Variants in VSTM4 observed in about 807,000 individuals in gnomAD.
The protein encoded by VSTM4 is V-set and transmembrane domain-containing protein 4.
In VSTM4, 20 loss-of-function variants were observed where a neutral mutation model predicts 36.4. The observed-to-expected ratio is 0.55, with a 90% confidence interval of 0.39 to 0.80. The LOEUF is 0.80. VSTM4 is among the 30% of genes least tolerant of loss of function. The pLI, the probability that VSTM4 is intolerant of heterozygous loss-of-function variation, is 0.00. For missense variants in VSTM4, 392 were observed against 404.5 expected, an observed-to-expected ratio of 0.97 and a Z score of 0.26; for synonymous variants, 182 against 173.9, an observed-to-expected ratio of 1.05 and a Z score of -0.37.
At chr10:49,112,573 C>T (rs1247920120) in intron 1 of VSTM4, among the ~76,000 whole-genome samples, 1 of 152,224 alleles carries the variant, frequency 6.6e-6, no homozygotes, top group Admixed American at 6.5e-5. Context: ...TGCCCTGAGA[C>T]TGGGGAGGTG....
chr10:49,113,297 A>C (rs1422184379), intron 1 of VSTM4, among the ~76,000 whole-genome samples: 1 of 152,242 alleles, frequency 6.6e-6, no homozygotes, highest in Non-Finnish European at 1.5e-5. Context: ...TTTACTGAGC[A>C]CTAAGCAGAG....
chr10:49,027,377 G>T (rs563303460), intron 7 of VSTM4, among the ~76,000 whole-genome samples: 2 of 152,334 alleles, frequency 1.3e-5, no homozygotes, highest in East Asian at 3.8e-4. Flanking sequence ...CACAGACTCA[G>T]CCCTAGGATT....
intron 2 of VSTM4, among the ~76,000 whole-genome samples, chr10:49,106,236 A>G (rs967311998): frequency 1.3e-5 from 2 of 152,248 alleles, no homozygotes; most frequent in African/African-American, 4.8e-5. Context: ...TTGTCAAAAC[A>G]ACATCACTAA....
intron 1 of VSTM4, among the ~76,000 whole-genome samples, chr10:49,110,619 G>T (rs771423344): frequency 1.3e-5 from 2 of 151,946 alleles, no homozygotes; most frequent in South Asian, 2.1e-4. Flanking sequence ...GGTCTTTAAA[G>T]GAGTAATTAA....
intron 2 of VSTM4, chr10:49,103,990 T>C: frequency 1.4e-6 from 1 of 724,490 alleles, no homozygotes; most frequent in Non-Finnish European, 2.2e-6. Flanking sequence ...ACAGAACTTC[T>C]CATCCTTGTT....
chr10:49,023,301 A>G (rs1843208986), intron 7 of VSTM4, among the ~76,000 whole-genome samples: 1 of 152,250 alleles, frequency 6.6e-6, no homozygotes, highest in Non-Finnish European at 1.5e-5. Flanking sequence ...TATCACAATC[A>G]GCCATGTGCC....
At chr10:49,041,086 A>G (rs1292476482) in intron 7 of VSTM4, among the ~76,000 whole-genome samples, 1 of 152,246 alleles carries the variant, frequency 6.6e-6, no homozygotes, top group African/African-American at 2.4e-5. Flanking sequence ...TTGAGCTACC[A>G]TCAAGACCTA....
chr10:49,097,650 G>A (rs554887614), intron 2 of VSTM4, among the ~76,000 whole-genome samples: 1 of 152,324 alleles, frequency 6.6e-6, no homozygotes, highest in East Asian at 1.9e-4. Flanking sequence ...CACAGTCTGT[G>A]CAACACAGGG....
chr10:49,113,800 G>A (rs1241701854), intron 1 of VSTM4, among the ~76,000 whole-genome samples: 1 of 152,120 alleles, frequency 6.6e-6, no homozygotes, highest in African/African-American at 2.4e-5. Context: ...ATCGTGGTGA[G>A]GAGTCATGAA....
At chr10:49,060,468 T>C (rs1843858321) in intron 5 of VSTM4, among the ~76,000 whole-genome samples, 1 of 152,224 alleles carries the variant, frequency 6.6e-6, no homozygotes, top group East Asian at 1.9e-4. Context: ...CTGAACATCT[T>C]TCATGTACTT....
intron 5 of VSTM4, among the ~76,000 whole-genome samples, chr10:49,052,882 A>G (rs1434217531): frequency 6.6e-6 from 1 of 152,182 alleles, no homozygotes; most frequent in Non-Finnish European, 1.5e-5. Context: ...AAACTGCACT[A>G]AATTTAATTT....
At chr10:49,025,129 C>A (rs1308871869) in intron 7 of VSTM4, among the ~76,000 whole-genome samples, 1 of 151,988 alleles carries the variant, frequency 6.6e-6, no homozygotes, top group African/African-American at 2.4e-5. Flanking sequence ...ACCAACCCTG[C>A]CAGCACCTTG....
At chr10:49,070,722 G>A (rs899702280) in intron 4 of VSTM4, among the ~76,000 whole-genome samples, 8 of 152,170 alleles carry the variant, frequency 5.3e-5, no homozygotes, top group African/African-American at 1.2e-4. Flanking sequence ...TCCAAGTCCC[G>A]TGCTCCAGGG....
intron 1 of VSTM4, among the ~76,000 whole-genome samples, chr10:49,108,363 C>T (rs1352624939): frequency 1.3e-5 from 2 of 152,226 alleles, no homozygotes; most frequent in Non-Finnish European, 2.9e-5. Flanking sequence ...CAACCCCCCA[C>T]CACTCCCCAC....
intron 2 of VSTM4, among the ~76,000 whole-genome samples, chr10:49,089,985 T>A (rs1844443107): frequency 6.6e-6 from 1 of 152,166 alleles, no homozygotes; most frequent in Admixed American, 6.5e-5. Context: ...GCAGCTAATA[T>A]AAATTCACCT....
rs1475851467 is a variant in VSTM4 at position 49,014,619 on chromosome 10, T to C, written c.*5031A>G. ...TAGGCACTGGGGAATGTTTTTTTTTTCCCAGAGAAAGAAAGCACTTTTAAA... is the reference window on the plus strand; with the variant it reads ...TAGGCACTGGGGAATGTTTTTTTTTCCCCAGAGAAAGAAAGCACTTTTAAA... On this transcript the variant is annotated 3_prime_UTR_variant, in exon 8 of 8. Coordinates refer to ENST00000332853, the MANE Select transcript of VSTM4 (RefSeq NM_001031746.5). 6.8e-6 allele frequency: 1 copy of C among 146,428 alleles called. No homozygotes were observed. Among genetic ancestry groups the C allele is most frequent in the South Asian group, 2.2e-4 (1 of 4,516 alleles). The allele number at this position is 146,428 out of a possible 1,614,324, so 9.1% of individuals were successfully genotyped here. A position where few individuals can be genotyped will look rare whatever the true frequency, so the allele number is the denominator to read the frequency against.
intron 7 of VSTM4, among the ~76,000 whole-genome samples, chr10:49,039,470 G>A (rs1157705878): frequency 6.6e-6 from 1 of 152,104 alleles, no homozygotes; most frequent in African/African-American, 2.4e-5. Flanking sequence ...GGATGCAAGC[G>A]CTTCCCTGGG....
At position 49,102,361 on chromosome 10, in the gene VSTM4, C is replaced by G. The variant is rs552077124; in HGVS notation, c.457+5233G>C. The G allele has an allele frequency of 1.1e-4, 105 of 971,878 alleles. 1 individual carries two copies. In the South Asian group the frequency reaches 4.1e-3, roughly 38 times the overall value. 60.2% of individuals were successfully genotyped at this position (971,878 alleles called of 1,614,324 possible). Reference sequence around the variant, plus strand: ...ATGTTGGCCAGGCTGGTCTTGAACTCTTGACTTCGTGATCCACCCACCTCG... The same window carrying G: ...ATGTTGGCCAGGCTGGTCTTGAACTGTTGACTTCGTGATCCACCCACCTCG... On this transcript the variant is annotated intron_variant, in intron 2 of 7. Transcript: ENST00000332853.
chr10:49,099,551 T>G (rs1172853951), intron 2 of VSTM4, among the ~76,000 whole-genome samples: 2 of 152,210 alleles, frequency 1.3e-5, no homozygotes, highest in Non-Finnish European at 2.9e-5. Flanking sequence ...ACATTGACCC[T>G]CATGATTTCC....
Sources: allele counts gnomAD v4.1 joint callset (sites outside exome capture counted in the v4.1 genomes callset), GRCh38; gene constraint gnomAD v4.1.1; transcripts MANE v1.5; gene names NCBI Gene and HGNC (gene_info 2026-07-23, HGNC 2026-07-21).